The following PCK2 variants were observed in gnomAD, a reference collection of about 807,000 sequenced individuals.
The protein encoded by PCK2 is phosphoenolpyruvate carboxykinase 2, mitochondrial, also known as phosphoenolpyruvate carboxykinase [GTP], mitochondrial.
PCK2 carries 56 observed loss-of-function variants against 65.9 expected under a neutral mutation model. That is an observed-to-expected ratio of 0.85 (90% CI 0.69 to 1.06). The LOEUF is 1.06. Among genes scored for constraint, PCK2 ranks in the 50% least tolerant of loss-of-function variants. PCK2 has a pLI of 0.00. For synonymous variants in PCK2, 305 were observed against 319.6 expected, an observed-to-expected ratio of 0.95 and a Z score of 0.49; for missense variants, 843 against 863.1, an observed-to-expected ratio of 0.98 and a Z score of 0.29.
intron 1 of PCK2, among the ~76,000 whole-genome samples, chr14:24,095,945 A>T (rs1450114250): frequency 6.6e-6 from 1 of 152,220 alleles, no homozygotes; most frequent in Non-Finnish European, 1.5e-5. Context: ...GCAGCAGCAG[A>T]TCAGGGCCTG....
chr14:24,102,697 T>G, intron 7 of PCK2, 56 bp from the exon 8 acceptor site: 3 of 1,477,016 alleles, frequency 2.0e-6, no homozygotes, highest in Non-Finnish European at 2.8e-6. Flanking sequence ...CATGTATGTG[T>G]GTGTTGGGGG....
In PCK2 at chr14:24,103,993, T is replaced by C; in HGVS notation, c.*29T>C. 1 of 1,537,286 alleles carries C rather than the reference T, an allele frequency of 6.5e-7. No homozygotes were observed. Among genetic ancestry groups the C allele is most frequent in the East Asian group, 2.3e-5 (1 of 44,444 alleles). On this transcript the variant is annotated 3_prime_UTR_variant, in exon 10 of 10. Coordinates refer to ENST00000216780, the MANE Select transcript of PCK2 (RefSeq NM_004563.4). ...GAGGCCCTAGTCTAGCAAGAGGACATAGCACCCTCATCTGGGAATAGGGAA... is the reference window on the plus strand; with the variant it reads ...GAGGCCCTAGTCTAGCAAGAGGACACAGCACCCTCATCTGGGAATAGGGAA...
At position 24,103,518 on chromosome 14, in the gene PCK2, A is replaced by C. The variant is rs2037251970; in HGVS notation, c.1477A>C (p.Ile493Leu). ...TAAAEHKGKI[I>L]MHDPFAMRPF... ...TCTTGCTTCCCCCCCAGGGAAGATC[A>C]TCATGCACGACCCATTTGCCATGCG... The change falls in exon 10 of 10, where the codon ATC becomes CTC. Residue 493 changes from isoleucine (I) to leucine (L), a missense_variant. Coordinates refer to ENST00000216780, the MANE Select transcript of PCK2 (RefSeq NM_004563.4). 1.3e-6 allele frequency: 2 copies of C among 1,547,420 alleles called. No individual in the cohort carries two copies. Among genetic ancestry groups the C allele is most frequent in the African/African-American group, 1.4e-5 (1 of 73,000 alleles).
At chr14:24,103,001 G>C (rs1281522805) in intron 8 of PCK2, 111 bp downstream of exon 8, 1 of 1,324,986 alleles carries the variant, frequency 7.5e-7, no homozygotes, top group Non-Finnish European at 1.1e-6. Flanking sequence ...TTTCTCCAGA[G>C]TTCTCCCCTG....
In PCK2 at chr14:24,098,296, G is replaced by A. The variant is rs201716555; in HGVS notation, c.369G>A (p.Pro123=). 1.4e-5 allele frequency: 23 copies of A among 1,614,110 alleles called. No individual in the cohort carries two copies. The East Asian group carries it at 2.2e-4, about 16-fold the overall frequency. ...TPSQRDTVPL[P]PGGARGQLGN... Reference sequence around the variant, plus strand: ...CTCAGCGGGACACGGTACCACTCCCGCCTGGTGGGGCCCGTGGGCAGCTGG... The same window carrying A: ...CTCAGCGGGACACGGTACCACTCCCACCTGGTGGGGCCCGTGGGCAGCTGG... The change falls in exon 3 of 10, where the codon CCG becomes CCA. Residue 123 remains proline (P), a synonymous_variant. Coordinates refer to ENST00000216780, the MANE Select transcript of PCK2 (RefSeq NM_004563.4).
At chr14:24,103,133 C>T in intron 8 of PCK2, 27 bp from the exon 9 acceptor site, 1 of 1,563,342 alleles carries the variant, frequency 6.4e-7, no homozygotes, top group Non-Finnish European at 8.8e-7. Context: ...AAAGGGCTGC[C>T]TGTGACTCTG....
intron 5 of PCK2, 70 bp from the exon 6 acceptor site, chr14:24,099,488 C>A: frequency 7.0e-7 from 1 of 1,420,450 alleles, no homozygotes; most frequent in Non-Finnish European, 9.6e-7. Context: ...CCCTAGCTGC[C>A]CTTCCCCATG....
At chr14:24,096,567 C>G (rs981175888) in intron 1 of PCK2, among the ~76,000 whole-genome samples, 5 of 152,166 alleles carry the variant, frequency 3.3e-5, no homozygotes, top group Admixed American at 6.5e-5. Flanking sequence ...GTTGATTAAA[C>G]AGTTAAACAT....
At chr14:24,103,302 C>T (rs756402379) in intron 9 of PCK2, 47 bp downstream of exon 9, 14 of 1,439,430 alleles carry the variant, frequency 9.7e-6, no homozygotes, top group South Asian at 5.8e-5. Flanking sequence ...GCACACAGCA[C>T]GTCCTCTCTC....
Position 24,094,595 on chromosome 14 carries a change from G to C in PCK2, c.29+161G>C. 1 of 1,452,016 alleles carries C rather than the reference G, an allele frequency of 6.9e-7. No homozygotes were observed. Among genetic ancestry groups the C allele is most frequent in the Non-Finnish European group, 9.0e-7 (1 of 1,105,566 alleles). 89.9% of individuals were successfully genotyped at this position (1,452,016 alleles called of 1,614,324 possible). On this transcript the variant is annotated intron_variant, in intron 1 of 9. Coordinates refer to ENST00000216780, the MANE Select transcript of PCK2 (RefSeq NM_004563.4). This position sits in a 1 kb window ranked among gnomAD's most constrained non-coding sequence, Gnocchi z 4.1. ...GTGGGTCCAGCCTCCCGCGCCGCGC[G>C]TCTCTTGGGAGGGCAGCCGGCCGGT...
chr14:24,101,418 A>T (rs1225892119), intron 7 of PCK2, among the ~76,000 whole-genome samples: 1 of 152,166 alleles, frequency 6.6e-6, no homozygotes, highest in Non-Finnish European at 1.5e-5. Context: ...AGAAGGCACC[A>T]TGTCCACTCA....
intron 1 of PCK2, among the ~76,000 whole-genome samples, chr14:24,096,228 C>CTTTTTTTTTT (rs34592767): frequency 1.7e-5 from 1 of 58,848 alleles, no homozygotes; most frequent in Non-Finnish European, 2.9e-5. Context: ...CTACTCATTT[C>CTTTTTTTTTT]TTTTTTTTTT....
rs759687732 is a variant in PCK2, at chr14:24,103,717, G to T, written c.1676G>T (p.Cys559Phe). 3 of 1,614,094 alleles carry T rather than the reference G, an allele frequency of 1.9e-6. No homozygotes were observed. Among genetic ancestry groups the T allele is most frequent in the African/African-American group, 2.7e-5 (2 of 74,924 alleles). Reference sequence around the variant, plus strand: ...AATGCTCGGGTGCTAGACTGGATCTGCCGGCGGTTAGAGGGGGAGGACAGT... The same window carrying T: ...AATGCTCGGGTGCTAGACTGGATCTTCCGGCGGTTAGAGGGGGAGGACAGT... ...GENARVLDWI[C>F]RRLEGEDSAR... The change falls in exon 10 of 10, where the codon TGC (cysteine) becomes TTC (phenylalanine). Residue 559 changes from cysteine to phenylalanine, a missense_variant. Coordinates refer to ENST00000216780, the MANE Select transcript of PCK2 (RefSeq NM_004563.4).
At position 24,099,092 on chromosome 14, in the gene PCK2, G is replaced by A. The variant is rs774922943; in HGVS notation, c.708G>A (p.Leu236=). 7.9e-4 allele frequency: 1,274 copies of A among 1,611,080 alleles called. 1 individual carries two copies. The highest frequency in any genetic ancestry group is 1.0e-3 in the Non-Finnish European group (1,175 of 1,178,258). The part of the protein sequence containing the change: ...SQWPCNPEKT[L]IGHVPDQREI... ...GGCCGTGCAACCCAGAGAAAACCCTGATTGGCCACGTGCCCGACCAGCGGG... is the reference window on the plus strand; with the variant it reads ...GGCCGTGCAACCCAGAGAAAACCCTAATTGGCCACGTGCCCGACCAGCGGG... Residue 236 remains leucine, a synonymous_variant, in exon 5 of 10, where the codon CTG becomes CTA. Transcript: ENST00000216780.
Position 24,099,109 on chromosome 14 carries a change from A to T in PCK2, c.725A>T (p.Asp242Val). 1 of 1,612,536 alleles carries T rather than the reference A, an allele frequency of 6.2e-7. No homozygotes were observed. The highest frequency in any genetic ancestry group is 8.5e-7 in the Non-Finnish European group (1 of 1,179,418). ...AAAACCCTGATTGGCCACGTGCCCG[A>T]CCAGCGGGAGATCATCTCCTTCGGC... ...PEKTLIGHVP[D>V]QREIISFGSG... is the part of the protein sequence containing the mutation. Residue 242 changes from aspartate to valine, a missense_variant, in exon 5 of 10, where the codon GAC becomes GTC. By Grantham distance (152) the Asp-to-Val change is radical. Transcript: ENST00000216780.
Position 24,102,836 on chromosome 14 carries a change from GC to G in PCK2, c.1322del (p.Pro441GlnfsTer76), listed in dbSNP as rs1431076814. 6.2e-7 allele frequency: 1 copy of G among 1,613,928 alleles called. No homozygotes were observed. The highest frequency in any genetic ancestry group is 1.1e-5 in the South Asian group (1 of 91,076). On this transcript the variant is annotated frameshift_variant, in exon 8 of 10. Coordinates refer to ENST00000216780, the MANE Select transcript of PCK2 (RefSeq NM_004563.4). LOFTEE classifies it high-confidence loss of function. The part of the protein sequence containing the change: ...QCPIMDPAWE[A>X]PEGVPIDAII... Reference sequence around the variant, plus strand: ...CCCCATCATGGACCCAGCCTGGGAGGCCCCAGAGGGTGTCCCCATTGACGCC... The same window carrying G: ...CCCCATCATGGACCCAGCCTGGGAGGCCCAGAGGGTGTCCCCATTGACGCC...
Position 24,100,163 on chromosome 14 carries a change from T to C in PCK2, c.1184T>C (p.Leu395Pro), listed in dbSNP as rs913142802. The C allele has an allele frequency of 6.2e-7, 1 of 1,614,026 alleles. No homozygotes were observed. Among genetic ancestry groups the C allele is most frequent in the African/African-American group, 1.3e-5 (1 of 74,918 alleles). Residue 395 changes from leucine to proline, a missense_variant, in exon 7 of 10, where the codon CTT (leucine) becomes CCT (proline). Coordinates refer to ENST00000216780, the MANE Select transcript of PCK2 (RefSeq NM_004563.4). Reference sequence around the variant, plus strand: ...TACTGGGAGGGCATTGACCAGCCTCTTCCACCTGGTGTTACTGTGACCTCC... The same window carrying C: ...TACTGGGAGGGCATTGACCAGCCTCCTCCACCTGGTGTTACTGTGACCTCC... The part of the protein sequence containing the change: ...GVYWEGIDQP[L>P]PPGVTVTSWL...
rs1028052007 is a variant in PCK2, at chr14:24,094,981, C to T, written c.29+547C>T. 8 of 667,582 alleles carry T rather than the reference C, an allele frequency of 1.2e-5. No individual in the cohort carries two copies. In the African/African-American group the frequency reaches 1.5e-4, roughly 12 times the overall value. 41.4% of individuals were successfully genotyped at this position (667,582 alleles called of 1,614,324 possible). A position where few individuals can be genotyped will look rare whatever the true frequency, so the allele number is the denominator to read the frequency against. The stretch of plus-strand genomic sequence containing the variant: ...CAGAGCAGCCCGAGGGACCTGGGCC[C>T]AGGGGAGGGAGGCAAGCAAGGTGGG... On this transcript the variant is annotated intron_variant, in intron 1 of 9. Transcript: ENST00000216780. This position sits in a 1 kb window ranked among gnomAD's most constrained non-coding sequence, Gnocchi z 4.1.
At chr14:24,101,639 C>T (rs747409627) in intron 7 of PCK2, among the ~76,000 whole-genome samples, 5 of 152,204 alleles carry the variant, frequency 3.3e-5, no homozygotes, top group African/African-American at 7.2e-5. Context: ...AAATCAATTC[C>T]TTGCAGGGCA....
Sources: gnomAD v4.1 joint callset for allele counts (sites outside exome capture counted in the v4.1 genomes callset) on GRCh38, gnomAD v4.1.1 for gene constraint, Gnocchi (gnomAD v3.1) non-coding constraint, MANE v1.5 for transcripts, NCBI Gene and HGNC (gene_info 2026-07-23, HGNC 2026-07-21) for gene names.